Variants in PTK2 observed in about 807,000 individuals in gnomAD.
PTK2 encodes the protein focal adhesion kinase 1.
A neutral mutation model predicts 150.1 loss-of-function variants in PTK2; 45 were observed. That is an observed-to-expected ratio of 0.30 (90% CI 0.24 to 0.38). PTK2 has a LOEUF of 0.38. Among genes scored for constraint, PTK2 ranks in the 10% least tolerant of loss-of-function variants. The pLI, the probability that PTK2 is intolerant of heterozygous loss-of-function variation, is 1.00. For synonymous variants in PTK2, 432 were observed against 449.2 expected (o/e 0.96, Z 0.48); for missense variants, 919 against 1,307.3 (o/e 0.70, Z 4.58).
At chr8:140,708,445 C>T (rs1361261820) in intron 23 of PTK2, among the ~76,000 whole-genome samples, 2 of 152,142 alleles carry the variant, frequency 1.3e-5, no homozygotes, top group African/African-American at 4.8e-5. Context: ...AAACATATGT[C>T]CTCTGCTCTC....
intron 17 of PTK2, 40 bp from the exon 21 acceptor site, chr8:140,746,900 T>G: frequency 7.0e-7 from 1 of 1,424,062 alleles, no homozygotes; most frequent in Non-Finnish European, 9.6e-7. Flanking sequence ...TTCTTTTTTT[T>G]TTTTTTTTTT....
At chr8:140,744,524 A>G (rs574557099) in intron 19 of PTK2, 128 bp downstream of exon 22, 24 of 481,048 alleles carry the variant, frequency 5.0e-5, no homozygotes, top group African/African-American at 4.0e-4. Context: ...AATTTTGTAG[A>G]ATTGGTACAA....
chr8:140,991,668 G>C (rs1225091098), intron 1 of PTK2, among the ~76,000 whole-genome samples: 4 of 152,098 alleles, frequency 2.6e-5, no homozygotes, highest in Admixed American at 6.5e-5. Context: ...CTAAAGCAGT[G>C]GTTCACAAAC....
chr8:140,877,588 G>C (rs1051640566), intron 4 of PTK2, among the ~76,000 whole-genome samples: 13 of 152,066 alleles, frequency 8.5e-5, no homozygotes, highest in Non-Finnish European at 1.8e-4. Context: ...AAGTTATCTG[G>C]TGTAAGCAGC....
chr8:140,757,477 G>C (rs541134759), intron 16 of PTK2, among the ~76,000 whole-genome samples: 1 of 152,114 alleles, frequency 6.6e-6, no homozygotes, highest in South Asian at 2.1e-4. Flanking sequence ...TTCCAAAAGT[G>C]AACTAATTTG....
intron 1 of PTK2, among the ~76,000 whole-genome samples, chr8:140,945,936 G>GT (rs939468819): frequency 2.0e-5 from 3 of 152,024 alleles, no homozygotes; most frequent in Non-Finnish European, 4.4e-5. Context: ...CTTCCCATCA[G>GT]TTTTTTCAAT....
intron 2 of PTK2, among the ~76,000 whole-genome samples, chr8:140,913,531 C>T (rs1027058608): frequency 4.6e-5 from 7 of 152,052 alleles, no homozygotes; most frequent in South Asian, 2.1e-4. Flanking sequence ...CCTGGCCTTA[C>T]GCAATCTGCC....
chr8:140,965,420 T>TAGGTTATTCAGTG (rs2100184897), intron 1 of PTK2, among the ~76,000 whole-genome samples: 1 of 152,144 alleles, frequency 6.6e-6, no homozygotes, highest in South Asian at 2.1e-4. Flanking sequence ...TCACTCAATA[T>TAGGTTATTCAGTG]AGGTTATTCA....
chr8:140,788,656 C>A (rs1037991608), intron 14 of PTK2, among the ~76,000 whole-genome samples: 8 of 152,122 alleles, frequency 5.3e-5, no homozygotes, highest in Non-Finnish European at 1.0e-4. Context: ...TGCACTCCAG[C>A]CTGGGCGACA....
intron 1 of PTK2, among the ~76,000 whole-genome samples, chr8:140,929,915 T>C (rs1291586235): frequency 6.6e-6 from 1 of 152,202 alleles, no homozygotes; most frequent in Non-Finnish European, 1.5e-5. Flanking sequence ...AAGTGCATCA[T>C]TACTGTCTGC....
chr8:140,760,122 T>C (rs938511134), intron 16 of PTK2, among the ~76,000 whole-genome samples: 1 of 151,936 alleles, frequency 6.6e-6, no homozygotes, highest in African/African-American at 2.4e-5. Flanking sequence ...CTCAGGAGGC[T>C]GAGGCAGAAG....
chr8:140,963,115 C>G (rs1479513091), intron 1 of PTK2, among the ~76,000 whole-genome samples: 1 of 151,976 alleles, frequency 6.6e-6, no homozygotes, highest in African/African-American at 2.4e-5. Context: ...AACCTTAAGG[C>G]CTTGCCTCTC....
At chr8:140,964,774 G>A (rs1278070624) in intron 1 of PTK2, among the ~76,000 whole-genome samples, 3 of 151,972 alleles carry the variant, frequency 2.0e-5, no homozygotes, top group African/African-American at 7.2e-5. Flanking sequence ...GCAAAGAAAG[G>A]TTTTTTCATT....
intron 11 of PTK2, among the ~76,000 whole-genome samples, chr8:140,801,562 C>A (rs2100095040): frequency 6.6e-6 from 1 of 152,172 alleles, no homozygotes; most frequent in Non-Finnish European, 1.5e-5. Context: ...ATGGGGTTAA[C>A]CAAAGTATAT....
chr8:140,743,105 G>A (rs530165726), intron 20 of PTK2, 125 bp downstream of exon 23: 6 of 647,730 alleles, frequency 9.3e-6, no homozygotes, highest in South Asian at 2.6e-5. Flanking sequence ...GAAGGCTGTC[G>A]CTTCCTCCAT....
At chr8:140,752,967 C>T (rs2100063645) in intron 16 of PTK2, among the ~76,000 whole-genome samples, 1 of 152,176 alleles carries the variant, frequency 6.6e-6, no homozygotes, top group Admixed American at 6.5e-5. Flanking sequence ...AGGGGCCAGA[C>T]CACACAGGGC....
chr8:140,907,548 CT>C (rs76036233), intron 2 of PTK2, among the ~76,000 whole-genome samples: 1 of 151,740 alleles, frequency 6.6e-6, no homozygotes, highest in Non-Finnish European at 1.5e-5. Flanking sequence ...ATCCAACTGC[CT>C]TTTTTTTAAA....
intron 29 of PTK2, among the ~76,000 whole-genome samples, chr8:140,671,161 T>C (rs929354729): frequency 9.2e-5 from 14 of 152,144 alleles, no homozygotes; most frequent in East Asian, 3.8e-4. Flanking sequence ...CTAGGAAAAA[T>C]TGAGACTGAT....
chr8:140,838,781 C>T (rs1023348066), intron 7 of PTK2, among the ~76,000 whole-genome samples: 3 of 152,060 alleles, frequency 2.0e-5, no homozygotes, highest in African/African-American at 2.4e-5. Flanking sequence ...CCGAGGCGGG[C>T]GGATCACAAG....
Sources: allele counts gnomAD v4.1 joint callset (sites outside exome capture counted in the v4.1 genomes callset), GRCh38; gene constraint gnomAD v4.1.1; transcripts MANE v1.5; gene names NCBI Gene and HGNC (gene_info 2026-07-23, HGNC 2026-07-21).